The following SEMA6A variants were observed in gnomAD, a reference collection of about 807,000 sequenced individuals.
SEMA6A encodes semaphorin 6A.
In SEMA6A, 25 loss-of-function variants were observed where a neutral mutation model predicts 96.8. That is an observed-to-expected ratio of 0.26 (90% CI 0.19 to 0.36). The LOEUF is 0.36. Ranked by LOEUF, SEMA6A falls within the 10% of genes least tolerant of loss-of-function variation. SEMA6A has a pLI of 1.00. For missense variants in SEMA6A, 1,363 were observed against 1,323.1 expected (o/e 1.03, Z -0.47); for synonymous variants, 612 against 518.0 (o/e 1.18, Z -2.46).
At chr5:116,557,004 G>A (rs1302477646) in intron 1 of SEMA6A, among the ~76,000 whole-genome samples, 1 of 152,158 alleles carries the variant, frequency 6.6e-6, no homozygotes, top group Non-Finnish European at 1.5e-5. Context: ...AGCAGAGTTG[G>A]CACTACTGTG....
chr5:116,457,918 G>A (rs1291468212), intron 18 of SEMA6A, among the ~76,000 whole-genome samples: 4 of 152,058 alleles, frequency 2.6e-5, no homozygotes, highest in Non-Finnish European at 5.9e-5. Context: ...CCAGGATAAT[G>A]GCATGCGTGA....
At chr5:116,456,743 C>T (rs1755032635) in intron 18 of SEMA6A, among the ~76,000 whole-genome samples, 1 of 152,138 alleles carries the variant, frequency 6.6e-6, no homozygotes, top group Non-Finnish European at 1.5e-5. Context: ...AACTGGTTCT[C>T]AAGTGCAGAA....
chr5:116,492,646 A>T (rs1757383799), intron 6 of SEMA6A, among the ~76,000 whole-genome samples: 3 of 152,352 alleles, frequency 2.0e-5, no homozygotes, highest in Non-Finnish European at 2.9e-5. Flanking sequence ...GATAATCTTG[A>T]TAATCTAATT....
At chr5:116,551,920 G>A (rs1292517641) in intron 1 of SEMA6A, among the ~76,000 whole-genome samples, 1 of 152,140 alleles carries the variant, frequency 6.6e-6, no homozygotes, top group African/African-American at 2.4e-5. Context: ...AGCTATCGTA[G>A]GACTTTAAAA....
chr5:116,480,061 G>T, intron 12 of SEMA6A, 61 bp downstream of exon 12: 1 of 1,571,698 alleles, frequency 6.4e-7, no homozygotes, highest in East Asian at 2.2e-5. Context: ...TCCACTGATT[G>T]GTTCTCCGAC....
intron 1 of SEMA6A, among the ~76,000 whole-genome samples, chr5:116,572,892 T>C (rs897293774): frequency 6.6e-6 from 1 of 152,116 alleles, no homozygotes; most frequent in East Asian, 1.9e-4. Flanking sequence ...CAGGAGCGCC[T>C]GGTCTAGTGA....
chr5:116,497,254 T>C (rs1757647197), intron 4 of SEMA6A, 73 bp downstream of exon 4: 1 of 924,900 alleles, frequency 1.1e-6, no homozygotes, highest in African/African-American at 1.7e-5. Flanking sequence ...CTTAATGCAC[T>C]TAAAATACAT....
intron 3 of SEMA6A, chr5:116,498,520 G>C (rs933171335): frequency 2.0e-5 from 3 of 151,792 alleles, no homozygotes; most frequent in Non-Finnish European, 4.4e-5. Flanking sequence ...CGAGCGGGAA[G>C]GGCAGTTGGC....
intron 18 of SEMA6A, among the ~76,000 whole-genome samples, chr5:116,464,585 C>T (rs559937575): frequency 6.6e-6 from 1 of 152,236 alleles, no homozygotes; most frequent in South Asian, 2.1e-4. Context: ...AGGAAAGAGC[C>T]TTGGAACATT....
At position 116,446,837 on chromosome 5, in the gene SEMA6A, C is replaced by G. The variant is rs1457931474; in HGVS notation, c.2869G>C (p.Asp957His). ...LSRNQSFGRG[D>H]NPPPAPQRVD... ...CTCTGCGGGGCGGGCGGCGGGTTGT[C>G]TCCCCTGCCAAAGCTCTGGTTTCTG... The change falls in exon 19 of 19, where the codon GAC becomes CAC. Residue 957 changes from aspartate (D) to histidine (H), a missense_variant. Physicochemically the swap from Asp to His is moderately conservative, Grantham distance 81. Transcript: ENST00000343348. The G allele has an allele frequency of 3.7e-6, 6 of 1,613,982 alleles. No individual in the cohort carries two copies. The highest frequency in any genetic ancestry group is 1.6e-4 in the Middle Eastern group (1 of 6,062).
chr5:116,474,280 A>ACACG (rs1425453532), intron 16 of SEMA6A, among the ~76,000 whole-genome samples: 1 of 123,018 alleles, frequency 8.1e-6, no homozygotes, highest in Non-Finnish European at 1.7e-5. Context: ...GCACGCATGC[A>ACACG]CACACACACA....
intron 1 of SEMA6A, among the ~76,000 whole-genome samples, chr5:116,563,599 A>G (rs1760905210): frequency 6.6e-6 from 1 of 152,234 alleles, no homozygotes; most frequent in Admixed American, 6.5e-5. Context: ...ACTGACATCT[A>G]CACAAAAAGT....
chr5:116,451,323 C>G (rs766530744), intron 18 of SEMA6A, among the ~76,000 whole-genome samples: 26 of 152,192 alleles, frequency 1.7e-4, no homozygotes, highest in Non-Finnish European at 3.5e-4. Flanking sequence ...ATAGTCGCAG[C>G]TGCTCCATTG....
chr5:116,449,445 C>A, intron 18 of SEMA6A: 1 of 680,958 alleles, frequency 1.5e-6, no homozygotes, highest in Non-Finnish European at 2.7e-6. Context: ...ATCTCTACCC[C>A]TTCCCAAGCC....
chr5:116,449,589 A>T, intron 18 of SEMA6A: 1 of 494,548 alleles, frequency 2.0e-6, no homozygotes, highest in Non-Finnish European at 3.6e-6. Flanking sequence ...CAGAAACCTT[A>T]GCCTGAAAAG....
intron 18 of SEMA6A, among the ~76,000 whole-genome samples, chr5:116,455,490 C>A (rs1754958367): frequency 6.6e-6 from 1 of 152,154 alleles, no homozygotes; most frequent in Non-Finnish European, 1.5e-5. Flanking sequence ...ATTTCTAAAA[C>A]CAGACAAAGC....
At chr5:116,466,908 A>G (rs1447897863) in intron 18 of SEMA6A, among the ~76,000 whole-genome samples, 1 of 152,194 alleles carries the variant, frequency 6.6e-6, no homozygotes, top group South Asian at 2.1e-4. Flanking sequence ...AAGAGATGAC[A>G]TTTCCTGTCT....
At position 116,489,110 on chromosome 5, in the gene SEMA6A, G is replaced by A; in HGVS notation, c.536-103C>T. ...GATTGCTTTCCAACATCAGGCAAAT[G>A]AGATAGCACAACTGGGAAAAATCCA... is the stretch of plus-strand genomic sequence containing the variant. On this transcript the variant is annotated intron_variant, in intron 7 of 18. Transcript: ENST00000343348. The A allele has an allele frequency of 2.4e-6, 3 of 1,269,762 alleles. No individual in the cohort carries two copies. The South Asian group carries it at 5.7e-5, about 24-fold the overall frequency. 78.7% of individuals were successfully genotyped at this position (1,269,762 alleles called of 1,614,324 possible).
rs180697444 is a variant in SEMA6A at position 116,456,928 on chromosome 5, A to T, written c.1895-9117T>A. Among the ~76,000 whole-genome samples, 987 of 152,342 alleles carry T rather than the reference A, an allele frequency of 6.5e-3. 17 individuals carry two copies. The highest frequency in any genetic ancestry group is 0.022 in the African/African-American group (932 of 41,576). On this transcript the variant is annotated intron_variant, in intron 18 of 18. Coordinates refer to ENST00000343348, the MANE Select transcript of SEMA6A (RefSeq NM_020796.5). Reference sequence around the variant, plus strand: ...ACCTTCATCTCTGCATGACTAGACGAGAGAAAAGAAACTCACGAAGGTTCT... The same window carrying T: ...ACCTTCATCTCTGCATGACTAGACGTGAGAAAAGAAACTCACGAAGGTTCT...
Sources: allele counts gnomAD v4.1 joint callset (sites outside exome capture counted in the v4.1 genomes callset), GRCh38; gene constraint gnomAD v4.1.1; transcripts MANE v1.5; gene names NCBI Gene and HGNC (gene_info 2026-07-23, HGNC 2026-07-21).